The following B3GALT9 variants were observed in gnomAD, a reference collection of about 807,000 sequenced individuals.
The protein encoded by B3GALT9 is UDP-GlcNAc:betaGal beta-1,3-N-acetylglucosaminyltransferase 10 (putative).
Position 120,793,501 on chromosome 9 carries a change from G to A in B3GALT9, c.-603G>A, listed in dbSNP as rs1047649693. ...GTCCCCGCCCGGAGGTGGGTGGTGG[G>A]AGGCTGGAGGCCGGGAGTAGGGGTG... On this transcript the variant is annotated 5_prime_UTR_variant, in exon 1 of 3. Transcript: ENST00000689072. The A allele has an allele frequency of 5.0e-6, 2 of 399,708 alleles. No homozygotes were observed. The highest frequency in any genetic ancestry group is 2.1e-5 in the African/African-American group (1 of 48,604). 24.8% of individuals were successfully genotyped at this position (399,708 alleles called of 1,614,324 possible).
intron 2 of B3GALT9, among the ~76,000 whole-genome samples, chr9:120,797,726 A>T (rs891571308): frequency 6.6e-6 from 1 of 152,212 alleles, no homozygotes; most frequent in Non-Finnish European, 1.5e-5. Context: ...CTGGCACAAA[A>T]GCAAGTGCAT....
chr9:120,801,641 GAC>G lies in B3GALT9; in HGVS notation c.*1967_*1968del, dbSNP rs1380344983. Among the ~76,000 whole-genome samples, 10 of 152,216 alleles carry G rather than the reference GAC, an allele frequency of 6.6e-5. No homozygotes were observed. Among genetic ancestry groups the G allele is most frequent in the Non-Finnish European group, 1.5e-4 (10 of 68,040 alleles). ...TGTAATCCCAGCTACGCGGGAGGCT[GAC>G]ACAGGAAAATCGCTTGAATCCAGGA... is the stretch of plus-strand genomic sequence containing the variant. On this transcript the variant is annotated 3_prime_UTR_variant, in exon 3 of 3. Coordinates refer to ENST00000689072, the MANE Select transcript of B3GALT9 (RefSeq NM_001386823.1).
chr9:120,793,510 G>A lies in B3GALT9; in HGVS notation c.-594G>A, dbSNP rs2044903963. ...CGGAGGTGGGTGGTGGGAGGCTGGA[G>A]GCCGGGAGTAGGGGTGGGGAGAAGA... On this transcript the variant is annotated 5_prime_UTR_variant, in exon 1 of 3. Transcript: ENST00000689072. 2 of 400,066 alleles carry A rather than the reference G, an allele frequency of 5.0e-6. No homozygotes were observed. The highest frequency in any genetic ancestry group is 8.8e-6 in the Non-Finnish European group (2 of 227,248). The allele number at this position is 400,066 out of a possible 1,614,324, so 24.8% of individuals were successfully genotyped here.
At position 120,799,261 on chromosome 9, in the gene B3GALT9, T is replaced by G. The variant is rs2044956570; in HGVS notation, c.693T>G (p.Ser231Arg). The change falls in exon 3 of 3, where the codon AGT becomes AGG. Residue 231 changes from serine to arginine, a missense_variant. Coordinates refer to ENST00000689072, the MANE Select transcript of B3GALT9 (RefSeq NM_001386823.1). ...AGAACAGAGACTTTGTCCCTCTTAG[T>G]GAGTACCCAGAAAAATACTACCCAG... Reference protein sequence around the residue: ...DPQNRDFVPLSEYPEKYYPDY... With the variant: ...DPQNRDFVPLREYPEKYYPDY... 2.5e-6 allele frequency: 1 copy of G among 399,336 alleles called. No homozygotes were observed. Among genetic ancestry groups the G allele is most frequent in the East Asian group, 3.6e-5 (1 of 28,076 alleles). The allele number at this position is 399,336 out of a possible 1,614,324, so 24.7% of individuals were successfully genotyped here. A position where few individuals can be genotyped will look rare whatever the true frequency, so the allele number is the denominator to read the frequency against.
intron 2 of B3GALT9, among the ~76,000 whole-genome samples, chr9:120,797,568 C>T (rs2044948016): frequency 6.6e-6 from 1 of 152,032 alleles, no homozygotes; most frequent in Admixed American, 6.5e-5. Flanking sequence ...CATGCCCTAT[C>T]CCAACCTCTT....
chr9:120,798,190 G>GT (rs2044951036), intron 2 of B3GALT9, among the ~76,000 whole-genome samples: 1 of 152,202 alleles, frequency 6.6e-6, no homozygotes, highest in Non-Finnish European at 1.5e-5. Context: ...TTTCCTACAG[G>GT]TTTTTATCAC....
chr9:120,794,121 C>A (rs551741167), intron 1 of B3GALT9, among the ~76,000 whole-genome samples, 199 bp downstream of exon 1: 1 of 152,256 alleles, frequency 6.6e-6, no homozygotes, highest in South Asian at 2.1e-4. Context: ...GCGTCAAGAA[C>A]TAAAACTGAG....
rs1456155919 is a variant in B3GALT9, at chr9:120,800,713, C to CT, written c.*1041dup. 2.0e-5 allele frequency among the ~76,000 whole-genome samples: 3 copies of CT among 152,076 alleles called. No homozygotes were observed. The highest frequency in any genetic ancestry group is 4.1e-4 in the South Asian group (2 of 4,826). The stretch of plus-strand genomic sequence containing the variant: ...TTTAACACATGCATCACCTGACATA[C>CT]TTTTTTGTAGTGAGAACACTTAAAA... On this transcript the variant is annotated 3_prime_UTR_variant, in exon 3 of 3. Coordinates refer to ENST00000689072, the MANE Select transcript of B3GALT9 (RefSeq NM_001386823.1).
At position 120,800,659 on chromosome 9, in the gene B3GALT9, A is replaced by C. The variant is rs2044965087; in HGVS notation, c.*981A>C. Among the ~76,000 whole-genome samples, 1 of 152,162 alleles carries C rather than the reference A, an allele frequency of 6.6e-6. No individual in the cohort carries two copies. The highest frequency in any genetic ancestry group is 2.1e-4 in the South Asian group (1 of 4,826). ...TTGTACAACATGTTTTGATATATGT[A>C]TATGTTATAGAATGGCTAAATCAAG... On this transcript the variant is annotated 3_prime_UTR_variant, in exon 3 of 3. Transcript: ENST00000689072.
rs2044956643 is a variant in B3GALT9, at chr9:120,799,275, A to G, written c.707A>G (p.Lys236Arg). 1 of 399,328 alleles carries G rather than the reference A, an allele frequency of 2.5e-6. No individual in the cohort carries two copies. Among genetic ancestry groups the G allele is most frequent in the African/African-American group, 2.1e-5 (1 of 48,612 alleles). The allele number at this position is 399,328 out of a possible 1,614,324, so 24.7% of individuals were successfully genotyped here. Residue 236 changes from lysine (K) to arginine (R), a missense_variant, in exon 3 of 3, where the codon AAA becomes AGA. Physicochemically the swap from Lys to Arg is conservative, Grantham distance 26. Transcript: ENST00000689072. ...DFVPLSEYPE[K>R]YYPDYCSGEA... ...GTCCCTCTTAGTGAGTACCCAGAAA[A>G]ATACTACCCAGATTACTGCAGTGGT...
chr9:120,798,481 C>T (rs956201098), intron 2 of B3GALT9, 94 bp from the exon 3 acceptor site: 5 of 398,282 alleles, frequency 1.3e-5, no homozygotes, highest in African/African-American at 2.1e-5. Context: ...GAGTGTACTG[C>T]TAAATGCTGT....
rs995582465 is a variant in B3GALT9, at chr9:120,799,862, A to G, written c.*184A>G. The G allele has an allele frequency of 2.6e-6, 1 of 388,932 alleles. No homozygotes were observed. The allele number at this position is 388,932 out of a possible 1,614,324, so 24.1% of individuals were successfully genotyped here. ...TACTGAGATCTCAAATTTTTAAAAA[A>G]TTTAAGTTGGTGTAGCATAATTCTT... On this transcript the variant is annotated 3_prime_UTR_variant, in exon 3 of 3. Transcript: ENST00000689072.
In B3GALT9 at chr9:120,794,718, A is replaced by G. The variant is rs186866622; in HGVS notation, c.-182+796A>G. Among the ~76,000 whole-genome samples the G allele has an allele frequency of 3.8e-3, 576 of 152,282 alleles. 2 individuals are homozygous for G. Among genetic ancestry groups the G allele is most frequent in the Non-Finnish European group, 6.6e-3 (452 of 68,026 alleles). On this transcript the variant is annotated intron_variant, in intron 1 of 2. Transcript: ENST00000689072. The stretch of plus-strand genomic sequence containing the variant: ...CTCTGTAAGGGTTCCTAAGCCATAC[A>G]TGCATACACGCACATTCACATACAT...
intron 1 of B3GALT9, among the ~76,000 whole-genome samples, chr9:120,796,122 A>G (rs2044937056): frequency 6.6e-6 from 1 of 152,206 alleles, no homozygotes; most frequent in Non-Finnish European, 1.5e-5. Flanking sequence ...TATGTCTAGT[A>G]CAGTTTTTGC....
chr9:120,796,033 G>A (rs1450814792), intron 1 of B3GALT9, among the ~76,000 whole-genome samples: 2 of 152,140 alleles, frequency 1.3e-5, no homozygotes, highest in African/African-American at 2.4e-5. Flanking sequence ...CCTTCCCAAT[G>A]AGCCATACAC....
At chr9:120,797,632 G>A (rs1222085675) in intron 2 of B3GALT9, among the ~76,000 whole-genome samples, 2 of 152,204 alleles carry the variant, frequency 1.3e-5, no homozygotes, top group Non-Finnish European at 2.9e-5. Flanking sequence ...CAGATGCTCA[G>A]CTTAATTACG....
At chr9:120,795,243 A>G (rs2044930579) in intron 1 of B3GALT9, among the ~76,000 whole-genome samples, 1 of 152,230 alleles carries the variant, frequency 6.6e-6, no homozygotes, top group Admixed American at 6.5e-5. Flanking sequence ...GGAAGGCAGT[A>G]CCAGGGTAAT....
At chr9:120,795,347 C>T (rs1272300736) in intron 1 of B3GALT9, among the ~76,000 whole-genome samples, 1 of 151,996 alleles carries the variant, frequency 6.6e-6, no homozygotes, top group African/African-American at 2.4e-5. Flanking sequence ...ATGGAGCTGC[C>T]CCAGAGATAA....
rs1564469526 is a variant in B3GALT9 at position 120,798,994 on chromosome 9, GAAT to G, written c.430_432del (p.Asn144del). The stretch of plus-strand genomic sequence containing the variant: ...AAGAGATCAACAAAGAATCCTGTAA[GAAT>G]AATGATATAATTGAAGGAATCTTCT... On this transcript the variant is annotated inframe_deletion, in exon 3 of 3. Transcript: ENST00000689072. The G allele has an allele frequency of 5.0e-6, 2 of 399,008 alleles. No homozygotes were observed. The highest frequency in any genetic ancestry group is 8.8e-6 in the Non-Finnish European group (2 of 226,068). The allele number at this position is 399,008 out of a possible 1,614,324, so 24.7% of individuals were successfully genotyped here.
Sources: allele counts gnomAD v4.1 joint callset (sites outside exome capture counted in the v4.1 genomes callset), GRCh38; gene constraint gnomAD v4.1.1; transcripts MANE v1.5; gene names NCBI Gene and HGNC (gene_info 2026-07-23, HGNC 2026-07-21).